RGS6: variants seen among roughly 807,000 people sequenced by gnomAD.
The protein encoded by RGS6 is regulator of G-protein signaling 6.
RGS6 carries 30 observed loss-of-function variants against 78.5 expected under a neutral mutation model. That is an observed-to-expected ratio of 0.38 (90% CI 0.29 to 0.52). RGS6 has a LOEUF of 0.52. Ranked by LOEUF, RGS6 falls within the 20% of genes least tolerant of loss-of-function variation. The pLI, the probability that RGS6 is intolerant of heterozygous loss-of-function variation, is 0.85. For missense variants in RGS6, 495 were observed against 609.7 expected (o/e 0.81, Z 1.98); for synonymous variants, 206 against 206.0 (o/e 1.00, Z 0.00).
At chr14:72,493,410 A>G (rs2096604048) in intron 12 of RGS6, among the ~76,000 whole-genome samples, 1 of 152,198 alleles carries the variant, frequency 6.6e-6, no homozygotes, top group African/African-American at 2.4e-5. Context: ...TTAAAAAATA[A>G]ATAAATAGTT....
At chr14:72,048,798 C>G (rs1030809038) in intron 2 of RGS6, among the ~76,000 whole-genome samples, 24 of 152,074 alleles carry the variant, frequency 1.6e-4, no homozygotes, top group African/African-American at 5.8e-4. Flanking sequence ...TTAAATTTCA[C>G]TAACAGTACA....
chr14:72,325,065 G>C (rs1328877927), intron 2 of RGS6, among the ~76,000 whole-genome samples: 1 of 152,146 alleles, frequency 6.6e-6, no homozygotes, highest in Non-Finnish European at 1.5e-5. Flanking sequence ...GTGTGAGATG[G>C]TATCTCATTG....
At chr14:72,219,826 A>G (rs1004738666) in intron 2 of RGS6, among the ~76,000 whole-genome samples, 69 of 152,280 alleles carry the variant, frequency 4.5e-4, no homozygotes, top group Non-Finnish European at 8.8e-5. Context: ...TTGCATTAAA[A>G]TCTTGACTCC....
At chr14:72,447,301 G>A (rs764745084) in intron 3 of RGS6, among the ~76,000 whole-genome samples, 9 of 152,140 alleles carry the variant, frequency 5.9e-5, no homozygotes, top group African/African-American at 9.7e-5. Context: ...CGGGAAATGC[G>A]CATCCTGGAT....
chr14:72,436,932 C>T lies in RGS6; in HGVS notation c.185-17596C>T, dbSNP rs958618709. On this transcript the variant is annotated intron_variant, in intron 3 of 17. Transcript: ENST00000553525. ...CAGAGTTGAAGAGATGAGGGTCCCTCACCTTAAGAACCCTCACTGCATTAA... is the reference window on the plus strand; with the variant it reads ...CAGAGTTGAAGAGATGAGGGTCCCTTACCTTAAGAACCCTCACTGCATTAA... Among the ~76,000 whole-genome samples the T allele has an allele frequency of 4.6e-5, 7 of 152,148 alleles. No homozygotes were observed. In the East Asian group the frequency reaches 1.3e-3, roughly 29 times the overall value.
chr14:72,421,891 A>G (rs1371849008), intron 3 of RGS6, among the ~76,000 whole-genome samples: 2 of 152,172 alleles, frequency 1.3e-5, no homozygotes, highest in African/African-American at 2.4e-5. Flanking sequence ...GGCAGGAATC[A>G]TGCTCCCGGC....
intron 1 of RGS6, among the ~76,000 whole-genome samples, chr14:71,952,394 G>C (rs1355156924): frequency 1.3e-5 from 2 of 152,028 alleles, no homozygotes; most frequent in East Asian, 3.8e-4. Context: ...GCTCACCTCT[G>C]TACTTCCTTT....
intron 2 of RGS6, among the ~76,000 whole-genome samples, chr14:72,272,570 A>G (rs541591987): frequency 1.3e-5 from 2 of 152,332 alleles, no homozygotes; most frequent in African/African-American, 4.8e-5. Flanking sequence ...CCATTATTTC[A>G]GCATCAAAAT....
At chr14:71,956,019 A>G (rs923279991) in intron 1 of RGS6, among the ~76,000 whole-genome samples, 20 of 152,198 alleles carry the variant, frequency 1.3e-4, no homozygotes, top group African/African-American at 4.6e-4. Flanking sequence ...TCATCAGCTA[A>G]GACTATGTGT....
rs148074569 is a variant in RGS6 at position 72,391,212 on chromosome 14, G to A, written c.184+39018G>A. On this transcript the variant is annotated intron_variant, in intron 3 of 17. Coordinates refer to ENST00000553525, the MANE Select transcript of RGS6 (RefSeq NM_001204424.2). Reference sequence around the variant, plus strand: ...GACACTAATTTATTCTGAAGGGAATGCTTCATTTCCAAATTCTCCTTCTAC... The same window carrying A: ...GACACTAATTTATTCTGAAGGGAATACTTCATTTCCAAATTCTCCTTCTAC... Among the ~76,000 whole-genome samples the A allele has an allele frequency of 1.9e-3, 282 of 152,098 alleles. 2 individuals carry two copies. Among genetic ancestry groups the A allele is most frequent in the African/African-American group, 6.4e-3 (267 of 41,428 alleles).
intron 4 of RGS6, among the ~76,000 whole-genome samples, chr14:72,455,205 A>G (rs1474056815): frequency 1.3e-5 from 2 of 152,272 alleles, no homozygotes; most frequent in East Asian, 1.9e-4. Flanking sequence ...GCTTATTCCC[A>G]TGTGCTGTCA....
intron 2 of RGS6, among the ~76,000 whole-genome samples, chr14:72,172,520 T>C (rs2097037564): frequency 6.6e-6 from 1 of 152,086 alleles, no homozygotes; most frequent in Non-Finnish European, 1.5e-5. Context: ...CACGTATGCA[T>C]CCTCCCCCCA....
chr14:72,357,709 A>T (rs1345720525), intron 3 of RGS6, among the ~76,000 whole-genome samples: 1 of 152,164 alleles, frequency 6.6e-6, no homozygotes, highest in Non-Finnish European at 1.5e-5. Flanking sequence ...CTCTGGACAC[A>T]AGAGAGCATA....
chr14:72,282,968 C>G (rs1025256462), intron 2 of RGS6, among the ~76,000 whole-genome samples: 3 of 152,106 alleles, frequency 2.0e-5, no homozygotes, highest in African/African-American at 7.2e-5. Context: ...CACGATTCTA[C>G]TCTCTGCTTC....
the RGS6 span, among the ~76,000 whole-genome samples, chr14:71,888,768 T>C: frequency 3.3e-5 from 5 of 152,320 alleles, no homozygotes; most frequent in South Asian, 2.1e-4. Flanking sequence ...AGGACCTACA[T>C]TGGTCTAAAG....
chr14:72,237,165 T>G (rs1181366937), intron 2 of RGS6, among the ~76,000 whole-genome samples: 1 of 152,258 alleles, frequency 6.6e-6, no homozygotes, highest in Non-Finnish European at 1.5e-5. Context: ...TATTTTTGTT[T>G]GCATATGTCA....
At chr14:71,972,998 C>T (rs1413891949) in intron 2 of RGS6, among the ~76,000 whole-genome samples, 3 of 152,142 alleles carry the variant, frequency 2.0e-5, no homozygotes, top group Admixed American at 2.0e-4. Flanking sequence ...TGAGAGAGCC[C>T]AAGACAGAGT....
At chr14:72,506,145 AT>A (rs1165013977) in intron 13 of RGS6, among the ~76,000 whole-genome samples, 1 of 152,196 alleles carries the variant, frequency 6.6e-6, no homozygotes, top group Non-Finnish European at 1.5e-5. Flanking sequence ...AACTGATTTC[AT>A]TTTAGTGCTG....
chr14:72,174,605 A>T (rs1158978605), intron 2 of RGS6, among the ~76,000 whole-genome samples: 1 of 152,164 alleles, frequency 6.6e-6, no homozygotes. Context: ...CCCAATATCT[A>T]GCCAGTCCTG....
Sources: gnomAD v4.1 joint callset for allele counts (sites outside exome capture counted in the v4.1 genomes callset) on GRCh38, gnomAD v4.1.1 for gene constraint, MANE v1.5 for transcripts, NCBI Gene and HGNC (gene_info 2026-07-23, HGNC 2026-07-21) for gene names.